Variants in DPYD observed in about 807,000 individuals in gnomAD.
The protein encoded by DPYD is dihydropyrimidine dehydrogenase [NADP(+)].
In DPYD, 109 loss-of-function variants were observed where a neutral mutation model predicts 116.2. That is an observed-to-expected ratio of 0.94 (90% CI 0.80 to 1.10). DPYD has a LOEUF of 1.10. Among genes scored for constraint, DPYD ranks in the 50% least tolerant of loss-of-function variants. The pLI is 0.00. For missense variants in DPYD, 1,302 were observed against 1,254.5 expected (o/e 1.04, Z -0.57); for synonymous variants, 440 against 432.0 (o/e 1.02, Z -0.23).
rs58926889 is a variant in DPYD at position 97,237,241 on chromosome 1, C to CAAAAAAAA, written c.2300-2255_2300-2248dup. On this transcript the variant is annotated intron_variant, in intron 18 of 22. Transcript: ENST00000370192. The stretch of plus-strand genomic sequence containing the variant: ...GGGCAACAAGAGCAAGATTCTGTCT[C>CAAAAAAAA]AAAAAAAAAAAAAAAAAAAAAAAAA... Among the ~76,000 whole-genome samples the CAAAAAAAA allele has an allele frequency of 9.2e-4, 53 of 57,692 alleles. 1 individual carries two copies. Among genetic ancestry groups the CAAAAAAAA allele is most frequent in the African/African-American group, 3.3e-3 (48 of 14,748 alleles). The allele number at this position is 57,692 out of a possible 152,430, so 37.8% of individuals were successfully genotyped here. A position where few individuals can be genotyped will look rare whatever the true frequency, so the allele number is the denominator to read the frequency against.
At position 97,252,964 on chromosome 1, in the gene DPYD, T is replaced by C. The variant is rs6692785; in HGVS notation, c.2300-17970A>G. 5.5e-3 allele frequency among the ~76,000 whole-genome samples: 835 copies of C among 152,274 alleles called. 13 individuals carry two copies. The highest frequency in any genetic ancestry group is 0.019 in the African/African-American group (806 of 41,570). Reference sequence around the variant, plus strand: ...TCTAATTTACTAAATGCTGAATATATTATGAAGCAGTTCTTAAAATTTAAA... The same window carrying C: ...TCTAATTTACTAAATGCTGAATATACTATGAAGCAGTTCTTAAAATTTAAA... On this transcript the variant is annotated intron_variant, in intron 18 of 22. Coordinates refer to ENST00000370192, the MANE Select transcript of DPYD (RefSeq NM_000110.4).
intron 8 of DPYD, among the ~76,000 whole-genome samples, chr1:97,612,973 G>T (rs1023947074): frequency 6.6e-6 from 1 of 151,886 alleles, no homozygotes; most frequent in African/African-American, 2.4e-5. Context: ...ATAGAGTTTT[G>T]AATAATCTAG....
At chr1:97,546,463 A>G in intron 12 of DPYD, 5 of 1,603,930 alleles carry the variant, frequency 3.1e-6, no homozygotes, top group South Asian at 1.1e-5. Context: ...TGGTAGTGAC[A>G]GAGACTCTGA....
chr1:97,483,885 GAA>G (rs34463725), intron 13 of DPYD, among the ~76,000 whole-genome samples: 345 of 151,066 alleles, frequency 2.3e-3, no homozygotes, highest in Admixed American at 5.3e-3. Context: ...ACAGAACTGT[GAA>G]AAAAAAAAAA....
At chr1:97,876,885 C>T (rs184071508) in intron 2 of DPYD, among the ~76,000 whole-genome samples, 12 of 152,114 alleles carry the variant, frequency 7.9e-5, no homozygotes, top group Admixed American at 2.0e-4. Flanking sequence ...TTTTCCTCCA[C>T]TCCCATCCTT....
At chr1:97,304,598 G>T (rs1473400427) in intron 18 of DPYD, among the ~76,000 whole-genome samples, 1 of 151,942 alleles carries the variant, frequency 6.6e-6, no homozygotes, top group South Asian at 2.1e-4. Flanking sequence ...TATCACCAAG[G>T]AGACTAATCC....
At chr1:97,265,809 T>C (rs927326667) in intron 18 of DPYD, among the ~76,000 whole-genome samples, 6 of 152,188 alleles carry the variant, frequency 3.9e-5, no homozygotes, top group African/African-American at 1.2e-4. Context: ...AAACATGTAC[T>C]CTATCTACTC....
intron 8 of DPYD, among the ~76,000 whole-genome samples, chr1:97,648,782 T>A (rs981088027): frequency 6.6e-5 from 10 of 152,106 alleles, no homozygotes; most frequent in Middle Eastern, 6.8e-3. Context: ...TAATTAACTT[T>A]AAAAAAATAG....
chr1:97,606,895 C>G (rs1249744111), intron 8 of DPYD, among the ~76,000 whole-genome samples: 1 of 151,832 alleles, frequency 6.6e-6, no homozygotes, highest in Non-Finnish European at 1.5e-5. Flanking sequence ...CAGGGGGTAT[C>G]CATAGCTTAG....
intron 18 of DPYD, among the ~76,000 whole-genome samples, chr1:97,254,501 A>G (rs1408334975): frequency 6.6e-6 from 1 of 152,136 alleles, no homozygotes; most frequent in East Asian, 1.9e-4. Flanking sequence ...CAATCACCTT[A>G]TGTACCATCA....
At chr1:97,867,310 C>T (rs1332848768) in intron 2 of DPYD, among the ~76,000 whole-genome samples, 2 of 151,846 alleles carry the variant, frequency 1.3e-5, no homozygotes, top group Non-Finnish European at 2.9e-5. Context: ...GCAGTGAACA[C>T]TCCTCTACAT....
intron 1 of DPYD, among the ~76,000 whole-genome samples, chr1:97,883,602 A>G (rs1262787437): frequency 6.6e-6 from 1 of 151,836 alleles, no homozygotes; most frequent in Non-Finnish European, 1.5e-5. Flanking sequence ...GTACGCTACC[A>G]CACCTGGCTA....
chr1:97,429,763 C>G (rs1331350695), intron 14 of DPYD, among the ~76,000 whole-genome samples: 1 of 152,042 alleles, frequency 6.6e-6, no homozygotes, highest in African/African-American at 2.4e-5. Flanking sequence ...TTATGATACC[C>G]TGACTAATCA....
At chr1:97,443,355 T>C (rs1260409612) in intron 14 of DPYD, among the ~76,000 whole-genome samples, 1 of 152,202 alleles carries the variant, frequency 6.6e-6, no homozygotes, top group East Asian at 1.9e-4. Context: ...TGTAAGTATA[T>C]ATTGACTCTA....
chr1:97,144,156 T>C (rs1242138780), intron 20 of DPYD, among the ~76,000 whole-genome samples: 1 of 152,186 alleles, frequency 6.6e-6, no homozygotes, highest in African/African-American at 2.4e-5. Context: ...AGTGACTTTT[T>C]AAAGCAAAAA....
chr1:97,266,706 T>G (rs2100872899), intron 18 of DPYD, among the ~76,000 whole-genome samples: 1 of 152,012 alleles, frequency 6.6e-6, no homozygotes, highest in African/African-American at 2.4e-5. Context: ...CAGGCCCCAG[T>G]GTCTGATGTT....
intron 1 of DPYD, among the ~76,000 whole-genome samples, chr1:97,889,391 T>C (rs994626404): frequency 6.6e-6 from 1 of 151,972 alleles, no homozygotes; most frequent in African/African-American, 2.4e-5. Flanking sequence ...TTAAATTCAA[T>C]GACACAAATA....
chr1:97,829,008 G>A (rs1257830351), intron 2 of DPYD, among the ~76,000 whole-genome samples: 5 of 151,494 alleles, frequency 3.3e-5, no homozygotes, highest in South Asian at 2.1e-4. Flanking sequence ...GAGAGAACCC[G>A]AATAGGTTTT....
Position 97,692,497 on chromosome 1 carries a change from C to G in DPYD, c.681-699G>C, listed in dbSNP as rs564884308. Reference sequence around the variant, plus strand: ...GAGTATTAAAAGTAAGCTAAAAACACTTTCCAGTGTTTTGTTAACAATTAA... The same window carrying G: ...GAGTATTAAAAGTAAGCTAAAAACAGTTTCCAGTGTTTTGTTAACAATTAA... On this transcript the variant is annotated intron_variant, in intron 6 of 22. Coordinates refer to ENST00000370192, the MANE Select transcript of DPYD (RefSeq NM_000110.4). Among the ~76,000 whole-genome samples the G allele has an allele frequency of 2.0e-5, 3 of 152,236 alleles. No individual in the cohort carries two copies. The East Asian group carries it at 5.8e-4, about 29-fold the overall frequency.
Sources: gnomAD v4.1 joint callset for allele counts (sites outside exome capture counted in the v4.1 genomes callset) on GRCh38, gnomAD v4.1.1 for gene constraint, MANE v1.5 for transcripts, NCBI Gene and HGNC (gene_info 2026-07-23, HGNC 2026-07-21) for gene names.